The following FSTL5 variants were observed in gnomAD, a reference collection of about 807,000 sequenced individuals.
FSTL5 encodes follistatin like 5.
FSTL5 carries 62 observed loss-of-function variants against 89.1 expected under a neutral mutation model. The observed-to-expected ratio is 0.70, with a 90% CI of 0.57 to 0.86. FSTL5 has a LOEUF of 0.86. Among genes scored for constraint, FSTL5 ranks in the 40% least tolerant of loss-of-function variants. FSTL5 has a pLI of 0.00. For synonymous variants in FSTL5, 383 were observed against 346.2 expected (o/e 1.11, Z -1.18); for missense variants, 1,057 against 1,001.6 (o/e 1.06, Z -0.75).
intron 1 of FSTL5, among the ~76,000 whole-genome samples, 163 bp downstream of exon 1, chr4:162,163,452 A>G (rs1235539256): frequency 7.2e-6 from 1 of 139,610 alleles, no homozygotes. Context: ...AATAATAATA[A>G]TAATAATAAT....
intron 7 of FSTL5, among the ~76,000 whole-genome samples, chr4:161,590,815 T>C (rs1184873296): frequency 6.6e-6 from 1 of 152,232 alleles, no homozygotes; most frequent in African/African-American, 2.4e-5. Context: ...ATGGTGCCTC[T>C]GCTTTGGATA....
At chr4:161,836,830 A>G (rs756713377) in intron 4 of FSTL5, among the ~76,000 whole-genome samples, 3 of 152,160 alleles carry the variant, frequency 2.0e-5, no homozygotes, top group Non-Finnish European at 4.4e-5. Context: ...AAGAGGGCAG[A>G]AAATAATTTT....
intron 3 of FSTL5, among the ~76,000 whole-genome samples, chr4:161,959,329 T>C (rs1383605535): frequency 6.6e-6 from 1 of 152,090 alleles, no homozygotes; most frequent in African/African-American, 2.4e-5. Context: ...TGTCTTAACA[T>C]AGGTATAACA....
intron 6 of FSTL5, among the ~76,000 whole-genome samples, chr4:161,710,855 CA>C (rs1371264840): frequency 6.6e-6 from 1 of 152,034 alleles, no homozygotes; most frequent in East Asian, 1.9e-4. Context: ...TTTCTGAACA[CA>C]AGTGGATTAA....
At chr4:161,437,995 G>A (rs572609602) in intron 15 of FSTL5, among the ~76,000 whole-genome samples, 3 of 152,288 alleles carry the variant, frequency 2.0e-5, no homozygotes, top group African/African-American at 7.2e-5. Flanking sequence ...CATGTTGGCG[G>A]AGGATTAATG....
At chr4:162,013,890 CA>C (rs1277381689) in intron 3 of FSTL5, among the ~76,000 whole-genome samples, 1 of 151,858 alleles carries the variant, frequency 6.6e-6, no homozygotes, top group African/African-American at 2.4e-5. Context: ...AAGCCTTAAG[CA>C]AAAGTGCATT....
At chr4:161,402,619 C>T (rs564248198) in intron 15 of FSTL5, among the ~76,000 whole-genome samples, 37 of 152,224 alleles carry the variant, frequency 2.4e-4, no homozygotes, top group Non-Finnish European at 4.4e-4. Flanking sequence ...ACACACTCCC[C>T]GTGCAATGTT....
intron 4 of FSTL5, among the ~76,000 whole-genome samples, chr4:161,870,358 G>T (rs961320763): frequency 1.3e-5 from 2 of 149,996 alleles, no homozygotes; most frequent in South Asian, 4.3e-4. Context: ...ACACACACAC[G>T]TACACACACA....
intron 13 of FSTL5, among the ~76,000 whole-genome samples, chr4:161,477,709 A>T (rs1729335569): frequency 6.6e-6 from 1 of 151,844 alleles, no homozygotes; most frequent in Admixed American, 6.6e-5. Context: ...TATCAATTTT[A>T]ATTTTAATAA....
In FSTL5 at chr4:161,775,963, G is replaced by C; in HGVS notation, c.521C>G (p.Ser174Cys). 1 of 1,607,224 alleles carries C rather than the reference G, an allele frequency of 6.2e-7. No homozygotes were observed. Among genetic ancestry groups the C allele is most frequent in the East Asian group, 2.2e-5 (1 of 44,544 alleles). ...TTGATCCACCAATAGCTTCTTCCGA[G>C]ATATGTCGTCGCCATTAGGATTTTC... is the stretch of plus-strand genomic sequence containing the variant. ...ENENPNGDDI[S>C]RKKLLVDQMF... Residue 174 changes from serine (S) to cysteine (C), a missense_variant, in exon 5 of 16, where the codon TCT (serine) becomes TGT (cysteine). Transcript: ENST00000306100.
intron 10 of FSTL5, 48 bp from the exon 11 acceptor site, chr4:161,510,472 G>T (rs143070893): frequency 0.013 from 15,083 of 1,139,990 alleles, 125 homozygotes; most frequent in Middle Eastern, 0.031. Context: ...TGAGTAAAGA[G>T]AGCTTTTGCT....
chr4:161,509,629 T>C (rs1730591535), intron 11 of FSTL5, among the ~76,000 whole-genome samples: 1 of 152,174 alleles, frequency 6.6e-6, no homozygotes, highest in Admixed American at 6.5e-5. Context: ...CAGGAAGCTA[T>C]AATCAGGGAA....
intron 9 of FSTL5, among the ~76,000 whole-genome samples, chr4:161,539,700 C>CCAA (rs879676948): frequency 6.6e-5 from 10 of 151,512 alleles, no homozygotes; most frequent in African/African-American, 1.5e-4. Context: ...TAAATACAAA[C>CCAA]CAACAACAAC....
At chr4:162,065,079 C>A (rs1383872460) in intron 2 of FSTL5, among the ~76,000 whole-genome samples, 4 of 151,874 alleles carry the variant, frequency 2.6e-5, no homozygotes, top group African/African-American at 9.7e-5. Flanking sequence ...AGGCCCATGT[C>A]TTACACTATA....
intron 3 of FSTL5, among the ~76,000 whole-genome samples, chr4:161,948,911 G>A (rs1734813831): frequency 6.6e-6 from 1 of 152,064 alleles, no homozygotes; most frequent in Non-Finnish European, 1.5e-5. Context: ...CTCACAGCTT[G>A]TATTAATTTC....
intron 4 of FSTL5, among the ~76,000 whole-genome samples, chr4:161,831,113 G>A (rs995537906): frequency 2.0e-5 from 3 of 151,660 alleles, no homozygotes; most frequent in African/African-American, 7.2e-5. Flanking sequence ...CTTGCGGTGA[G>A]AGTGGGGGAA....
Position 161,678,747 on chromosome 4 carries a change from A to G in FSTL5, c.728-22253T>C, listed in dbSNP as rs531630301. Among the ~76,000 whole-genome samples, 14 of 151,950 alleles carry G rather than the reference A, an allele frequency of 9.2e-5. No homozygotes were observed. In the South Asian group the frequency reaches 2.9e-3, roughly 31 times the overall value. On this transcript the variant is annotated intron_variant, in intron 6 of 15. Coordinates refer to ENST00000306100, the MANE Select transcript of FSTL5 (RefSeq NM_020116.5). ...CAATACACAGAAGGAATGCCAAAAG[A>G]AAGAAAGAAGTTGAAGAGTATTGTT...
chr4:162,100,966 G>A (rs187235061), intron 2 of FSTL5, among the ~76,000 whole-genome samples: 1 of 152,192 alleles, frequency 6.6e-6, no homozygotes, highest in Non-Finnish European at 1.5e-5. Flanking sequence ...GATACTTATT[G>A]TTGGGTGCTT....
At chr4:161,710,966 AC>A (rs1444204176) in intron 6 of FSTL5, among the ~76,000 whole-genome samples, 6 of 152,202 alleles carry the variant, frequency 3.9e-5, no homozygotes, top group Non-Finnish European at 5.9e-5. Context: ...AATCAAAAAA[AC>A]ATTTCTAGAA....
Sources: allele counts gnomAD v4.1 joint callset (sites outside exome capture counted in the v4.1 genomes callset), GRCh38; gene constraint gnomAD v4.1.1; transcripts MANE v1.5; gene names NCBI Gene and HGNC (gene_info 2026-07-23, HGNC 2026-07-21).